Variants in DDHD2 observed in about 807,000 individuals in gnomAD.
DDHD2 encodes the protein DDHD domain containing 2.
Under a neutral mutation model 91.2 loss-of-function variants are expected in DDHD2, and 62 were observed. That is an observed-to-expected ratio of 0.68 (90% confidence interval 0.55 to 0.84). The LOEUF (loss-of-function observed/expected upper bound fraction) is 0.84. DDHD2 is among the 40% of genes least tolerant of loss of function. The probability of loss-of-function intolerance (pLI) is 0.00; values close to 1 mark genes in which losing one functional copy is unlikely to be tolerated. For missense variants in DDHD2, 740 were observed against 846.9 expected (o/e 0.87, Z 1.57); for synonymous variants, 271 against 293.9 (o/e 0.92, Z 0.80).
Position 38,268,187 on chromosome 8 carries a change from G to A in DDHD2, n.88-2935G>A, listed in dbSNP as rs1425696348. 13 of 1,154,498 alleles carry A rather than the reference G, an allele frequency of 1.1e-5. No individual in the cohort carries two copies. In the East Asian group the frequency reaches 1.3e-4, roughly 11 times the overall value. The allele number at this position is 1,154,498 out of a possible 1,614,324, so 71.5% of individuals were successfully genotyped here. On this transcript the variant is annotated intron_variant and non_coding_transcript_variant, in intron 1 of 1. Coordinates refer to the DDHD2 transcript ENST00000526071. ...ATAACCCAGTGCATTTAGGCACAGG[G>A]CTGCCTGCCGTGTAGCCTGCGTAAC...
chr8:38,234,638 T>A, intron 3 of DDHD2, 54 bp downstream of exon 3: 2 of 1,391,100 alleles, frequency 1.4e-6, no homozygotes, highest in South Asian at 1.4e-5. Context: ...TTTAATAATC[T>A]TTTCTTTCCT....
Position 38,253,127 on chromosome 8 carries a change from G to C in DDHD2, c.1891G>C (p.Asp631His). 6.2e-7 allele frequency: 1 copy of C among 1,612,972 alleles called. No individual in the cohort carries two copies. The change falls in exon 15 of 18, where the codon GAT (aspartate) becomes CAT (histidine). Residue 631 changes from aspartate (D) to histidine (H), a missense_variant and splice_region_variant. Physicochemically the swap from Asp to His is moderately conservative, Grantham distance 81. Around this residue, in one of 2 missense-constraint regions of DDHD2, gnomAD observed 693 missense variants for 764.2 expected, o/e 0.91. Coordinates refer to ENST00000397166, the MANE Select transcript of DDHD2 (RefSeq NM_015214.3). The part of the protein sequence containing the change: ...EPESTSEKPS[D>H]VNTEETSVAV... ...TGAATCAACTTCAGAGAAGCCTAGTGGTCAGTGACACTGTACACATTGACC... is the reference window on the plus strand; with the variant it reads ...TGAATCAACTTCAGAGAAGCCTAGTCGTCAGTGACACTGTACACATTGACC...
chr8:38,253,515 CA>C (rs767535689), intron 15 of DDHD2, 40 bp from the exon 16 acceptor site: 3 of 1,584,002 alleles, frequency 1.9e-6, no homozygotes, highest in South Asian at 2.3e-5. Context: ...CCCTGAAGGC[CA>C]AAAGGTTTTA....
rs1395674408 is a variant in DDHD2, at chr8:38,260,726, T to G, written c.*153T>G. On this transcript the variant is annotated 3_prime_UTR_variant, in exon 18 of 18. Coordinates refer to ENST00000397166, the MANE Select transcript of DDHD2 (RefSeq NM_015214.3). ...CACCACTGGGGTCTTTGGAAGATAA[T>G]CTTCCTCTTTGGAAATGAATGGAAA... The G allele has an allele frequency of 6.5e-6, 1 of 152,692 alleles. No homozygotes were observed. The highest frequency in any genetic ancestry group is 1.5e-5 in the Non-Finnish European group (1 of 68,084). 9.5% of individuals were successfully genotyped at this position (152,692 alleles called of 1,614,324 possible). A position where few individuals can be genotyped will look rare whatever the true frequency, so the allele number is the denominator to read the frequency against.
chr8:38,265,848 C>G (rs1046218061), downstream of DDHD2, among the ~76,000 whole-genome samples: 7 of 152,092 alleles, frequency 4.6e-5, no homozygotes, highest in African/African-American at 1.7e-4. Flanking sequence ...GACAATGAAC[C>G]TGATTTTTAA....
chr8:38,251,913 G>A lies in DDHD2; in HGVS notation c.1346G>A (p.Gly449Asp), dbSNP rs574330866. The stretch of plus-strand genomic sequence containing the variant: ...ACATAACTATTTTTTATTCTTTAGG[G>A]TATTAAGAGACCAGCCCCGCAGCCT... Reference protein sequence around the residue: ...NYFSTRKNSMGIKRPAPQPAS... With the variant: ...NYFSTRKNSMDIKRPAPQPAS... The change falls in exon 12 of 18, where the codon GGT (glycine) becomes GAT (aspartate). Residue 449 changes from glycine (G) to aspartate (D), a missense_variant and splice_region_variant. By Grantham distance (94) the Gly-to-Asp change is moderately conservative (BLOSUM62 -1). This residue lies in a region of DDHD2 where 693 missense variants were observed against 764.2 expected (regional missense o/e 0.91). Coordinates refer to ENST00000397166, the MANE Select transcript of DDHD2 (RefSeq NM_015214.3). 1.2e-6 allele frequency: 2 copies of A among 1,611,180 alleles called. No individual in the cohort carries two copies. The highest frequency in any genetic ancestry group is 8.5e-7 in the Non-Finnish European group (1 of 1,177,406).
In DDHD2 at chr8:38,252,205, TC is replaced by T; in HGVS notation, c.1537del (p.Thr514LeufsTer5). 1 of 1,614,176 alleles carries T rather than the reference TC, an allele frequency of 6.2e-7. No individual in the cohort carries two copies. The highest frequency in any genetic ancestry group is 8.5e-7 in the Non-Finnish European group (1 of 1,180,034). The part of the protein sequence containing the change: ...FFAFGSPIGM[F>X]LTVRGLKRID... ...GCCTTTGGATCTCCCATTGGAATGTTCCTTACTGTCCGAGGACTAAAAAGAA... is the reference window on the plus strand; with the variant it reads ...GCCTTTGGATCTCCCATTGGAATGTTCTTACTGTCCGAGGACTAAAAAGAA... On this transcript the variant is annotated frameshift_variant, in exon 13 of 18. Transcript: ENST00000397166. LOFTEE classifies it high-confidence loss of function.
At chr8:38,248,283 G>T (rs1805805664) in intron 10 of DDHD2, among the ~76,000 whole-genome samples, 1 of 151,748 alleles carries the variant, frequency 6.6e-6, no homozygotes, top group Non-Finnish European at 1.5e-5. Context: ...GGCTGGTCTG[G>T]AATTCCTGAC....
In DDHD2 at chr8:38,233,029, C is replaced by G. The variant is rs1804415115; in HGVS notation, c.35C>G (p.Ser12Cys). The G allele has an allele frequency of 6.2e-7, 1 of 1,614,144 alleles. No homozygotes were observed. Among genetic ancestry groups the G allele is most frequent in the Non-Finnish European group, 8.5e-7 (1 of 1,180,016 alleles). The part of the protein sequence containing the change: ...SSVQSQQEQL[S>C]QSDPSPSPNS... ...GTGCAGTCACAACAGGAGCAGTTGT[C>G]CCAGTCAGATCCATCTCCGTCACCA... Residue 12 changes from serine (S) to cysteine (C), a missense_variant, in exon 2 of 18, where the codon TCC becomes TGC. By Grantham distance (112) the Ser-to-Cys change is moderately radical. Around this residue, in one of 2 missense-constraint regions of DDHD2, gnomAD observed 693 missense variants for 764.2 expected, o/e 0.91. Coordinates refer to ENST00000397166, the MANE Select transcript of DDHD2 (RefSeq NM_015214.3).
At chr8:38,236,292 G>A (rs113587881) in intron 3 of DDHD2, among the ~76,000 whole-genome samples, 4 of 151,622 alleles carry the variant, frequency 2.6e-5, no homozygotes, top group South Asian at 2.1e-4. Flanking sequence ...GATTACAGGC[G>A]TGAGCCACCA....
intron 3 of DDHD2, among the ~76,000 whole-genome samples, chr8:38,235,719 CA>C (rs758520572): frequency 3.6e-3 from 273 of 76,404 alleles, no homozygotes; most frequent in East Asian, 6.0e-3. Flanking sequence ...AACTCCATCT[CA>C]AAAAAAAAAA....
chr8:38,245,468 T>G, intron 7 of DDHD2, among the ~76,000 whole-genome samples: 1 of 152,186 alleles, frequency 6.6e-6, no homozygotes, highest in Middle Eastern at 3.4e-3. Flanking sequence ...TTAATTTATT[T>G]TCTTGATTAC....
chr8:38,262,077 T>C lies in DDHD2; in HGVS notation c.*1504T>C, dbSNP rs1398101719. ...CACCATGGAGATTGTAGAGGTAAGG[T>C]TGGGGTATAGGTCAGGCCTGGCCTT... On this transcript the variant is annotated 3_prime_UTR_variant, in exon 18 of 18. Transcript: ENST00000397166. 2 of 152,142 alleles carry C rather than the reference T, an allele frequency of 1.3e-5. No homozygotes were observed. The highest frequency in any genetic ancestry group is 6.5e-5 in the Admixed American group (1 of 15,268). The allele number at this position is 152,142 out of a possible 1,614,324, so 9.4% of individuals were successfully genotyped here. A position where few individuals can be genotyped will look rare whatever the true frequency, so the allele number is the denominator to read the frequency against.
At chr8:38,252,426 G>T in intron 13 of DDHD2, 139 bp downstream of exon 13, 1 of 963,168 alleles carries the variant, frequency 1.0e-6, no homozygotes, top group Non-Finnish European at 1.5e-6. Context: ...TATTGATTTG[G>T]AAGTGATGGA....
intron 5 of DDHD2, chr8:38,238,811 T>A: frequency 5.7e-6 from 3 of 527,216 alleles, no homozygotes; most frequent in Non-Finnish European, 7.3e-6. Flanking sequence ...AATAACTGTA[T>A]TATGGTTATG....
chr8:38,253,746 T>A (rs1333495250), intron 16 of DDHD2, 28 bp downstream of exon 16: 1 of 1,607,148 alleles, frequency 6.2e-7, no homozygotes, highest in African/African-American at 1.3e-5. Flanking sequence ...TTGTCTGTTT[T>A]GTTTGTTTAC....
intron 16 of DDHD2, among the ~76,000 whole-genome samples, chr8:38,258,605 G>GA (rs1470111280): frequency 1.4e-4 from 21 of 152,136 alleles, no homozygotes; most frequent in African/African-American, 4.8e-4. Flanking sequence ...CTTACTTGTT[G>GA]ATTTGCTTAT....
intron 1 of DDHD2, chr8:38,269,382 C>CCCT (rs1392315903): frequency 1.6e-6 from 1 of 607,696 alleles, no homozygotes; most frequent in Non-Finnish European, 2.6e-6. Flanking sequence ...AGCGGAGCTG[C>CCCT]CCTCTGGTGC....
chr8:38,254,920 C>T (rs969944823), intron 16 of DDHD2, among the ~76,000 whole-genome samples: 1 of 151,398 alleles, frequency 6.6e-6, no homozygotes, highest in Non-Finnish European at 1.5e-5. Flanking sequence ...ACTAATTAAT[C>T]CCTGAAGAAG....
Sources: gnomAD v4.1 joint callset for allele counts (sites outside exome capture counted in the v4.1 genomes callset) on GRCh38, gnomAD v4.1.1 for gene constraint, gnomAD v4.1.1 regional missense constraint, MANE v1.5 for transcripts, NCBI Gene and HGNC (gene_info 2026-07-23, HGNC 2026-07-21) for gene names.